DDX60: variants seen among roughly 807,000 people sequenced by gnomAD.
The protein encoded by DDX60 is probable ATP-dependent RNA helicase DDX60.
DDX60 carries 165 observed loss-of-function variants against 212.8 expected under a neutral mutation model. The observed-to-expected ratio is 0.78, with a 90% CI of 0.68 to 0.88. The LOEUF (loss-of-function observed/expected upper bound fraction) is 0.88, where lower values mean the gene tolerates loss of function less well. DDX60 is among the 40% of genes least tolerant of loss of function. The probability of loss-of-function intolerance (pLI) is 0.00; values close to 1 mark genes in which losing one functional copy is unlikely to be tolerated. For synonymous variants in DDX60, 703 were observed against 685.3 expected (o/e 1.03, Z -0.40); for missense variants, 1,905 against 2,003.9 (o/e 0.95, Z 0.94).
intron 6 of DDX60, among the ~76,000 whole-genome samples, chr4:168,295,693 G>C (rs568230807): frequency 1.3e-5 from 2 of 152,172 alleles, no homozygotes; most frequent in South Asian, 4.2e-4. Flanking sequence ...TATTTCGAAG[G>C]TATATCTGCA....
In DDX60 at chr4:168,288,178, T is replaced by C. The variant is rs748076792; in HGVS notation, c.1179A>G (p.Val393=). 1 of 1,474,926 alleles carries C rather than the reference T, an allele frequency of 6.8e-7. No individual in the cohort carries two copies. Among genetic ancestry groups the C allele is most frequent in the Non-Finnish European group, 9.2e-7 (1 of 1,083,470 alleles). The allele number at this position is 1,474,926 out of a possible 1,614,324, so 91.4% of individuals were successfully genotyped here. ...NIAFYYENEN[V]KGLHLNLGDT... ...TATAATATACTGAGATGGTACCTTT[T>C]ACATTTTCATTTTCATAGTAAAAAG... The change falls in exon 9 of 38, where the codon GTA becomes GTG. Residue 393 remains valine, a synonymous_variant. Coordinates refer to ENST00000393743, the MANE Select transcript of DDX60 (RefSeq NM_017631.6).
At position 168,292,655 on chromosome 4, in the gene DDX60, A is replaced by G. The variant is rs181027433; in HGVS notation, c.883-749T>C. ...CCAGGGCGAGGACACCAGGATGGTA[A>G]TATATCTGAAAAACCTGCCCTGTGA... On this transcript the variant is annotated intron_variant, in intron 7 of 37. Transcript: ENST00000393743. 5.4e-4 allele frequency among the ~76,000 whole-genome samples: 82 copies of G among 152,328 alleles called. 1 individual carries two copies. Among genetic ancestry groups the G allele is most frequent in the African/African-American group, 1.9e-3 (77 of 41,588 alleles).
chr4:168,244,934 T>C (rs1733972451), intron 30 of DDX60, among the ~76,000 whole-genome samples: 1 of 152,016 alleles, frequency 6.6e-6, no homozygotes. Flanking sequence ...AAATTATAAC[T>C]TTTCCTGAAA....
rs149914516 is a variant in DDX60 at position 168,257,749 on chromosome 4, G to T, written c.3399-1880C>A. ...CCAAAGAAAAAATATCTCCAAATAT[G>T]TTGACTATATTTGGAATTAGAAATG... On this transcript the variant is annotated intron_variant, in intron 25 of 37. Coordinates refer to ENST00000393743, the MANE Select transcript of DDX60 (RefSeq NM_017631.6). 4.5e-4 allele frequency among the ~76,000 whole-genome samples: 68 copies of T among 152,272 alleles called. 1 individual carries two copies. In the East Asian group the frequency reaches 0.012, roughly 27 times the overall value.
chr4:168,308,871 A>T (rs1235647789), intron 3 of DDX60, among the ~76,000 whole-genome samples: 2 of 151,932 alleles, frequency 1.3e-5, no homozygotes, highest in Non-Finnish European at 2.9e-5. Context: ...TATGAAAAAA[A>T]TTTTAAGTTA....
chr4:168,298,863 T>A (rs1447995793), intron 6 of DDX60, among the ~76,000 whole-genome samples: 1 of 151,802 alleles, frequency 6.6e-6, no homozygotes, highest in Non-Finnish European at 1.5e-5. Flanking sequence ...AAAAAGAAAT[T>A]TTAAAAATCA....
At chr4:168,308,781 T>C (rs1223320171) in intron 3 of DDX60, among the ~76,000 whole-genome samples, 2 of 150,030 alleles carry the variant, frequency 1.3e-5, no homozygotes, top group Non-Finnish European at 3.0e-5. Context: ...ATGTATACTA[T>C]ATATTCAATA....
At chr4:168,264,291 A>G (rs1264901304) in intron 22 of DDX60, among the ~76,000 whole-genome samples, 5 of 152,238 alleles carry the variant, frequency 3.3e-5, no homozygotes, top group African/African-American at 1.2e-4. Flanking sequence ...TTAAAACTAT[A>G]GAACGTAAAA....
chr4:168,281,551 G>A (rs937302346), intron 13 of DDX60, among the ~76,000 whole-genome samples: 4 of 152,194 alleles, frequency 2.6e-5, no homozygotes, highest in Non-Finnish European at 5.9e-5. Context: ...GAGTAGATAA[G>A]AGGAACAACA....
intron 26 of DDX60, among the ~76,000 whole-genome samples, chr4:168,253,543 T>C (rs1734297971): frequency 6.6e-6 from 1 of 152,176 alleles, no homozygotes; most frequent in Non-Finnish European, 1.5e-5. Flanking sequence ...CCACACCCAA[T>C]GTCTGAGTGA....
chr4:168,260,624 A>G (rs906088162), intron 25 of DDX60, among the ~76,000 whole-genome samples: 1 of 152,130 alleles, frequency 6.6e-6, no homozygotes, highest in East Asian at 1.9e-4. Context: ...GATTCTCATA[A>G]GGAGCATGCA....
chr4:168,231,816 C>G (rs2149493873), intron 33 of DDX60, among the ~76,000 whole-genome samples: 2 of 152,084 alleles, frequency 1.3e-5, no homozygotes, highest in East Asian at 3.9e-4. Flanking sequence ...GAAAAGGATG[C>G]CCATTTTCAC....
intron 22 of DDX60, 64 bp from the exon 23 acceptor site, chr4:168,262,851 T>C (rs1045513543): frequency 8.7e-7 from 1 of 1,143,008 alleles, no homozygotes. Flanking sequence ...CTTTGCCTCT[T>C]AGTCACTATC....
chr4:168,289,316 C>T (rs975393598), intron 8 of DDX60, among the ~76,000 whole-genome samples: 2 of 152,150 alleles, frequency 1.3e-5, no homozygotes, highest in Non-Finnish European at 2.9e-5. Flanking sequence ...TTAACCACAT[C>T]CACATTTTGA....
the DDX60 span, among the ~76,000 whole-genome samples, chr4:168,324,497 AG>A: frequency 5.3e-4 from 80 of 152,162 alleles, no homozygotes; most frequent in Non-Finnish European, 9.6e-4. Flanking sequence ...CATTTGTTGG[AG>A]GGGGCCCTGT....
chr4:168,245,109 G>A (rs148587198), intron 30 of DDX60, among the ~76,000 whole-genome samples: 5 of 152,030 alleles, frequency 3.3e-5, no homozygotes, highest in East Asian at 1.9e-4. Context: ...GCATTTCACC[G>A]CAATAAATAA....
At chr4:168,244,062 C>T (rs1733940213) in intron 30 of DDX60, among the ~76,000 whole-genome samples, 1 of 152,104 alleles carries the variant, frequency 6.6e-6, no homozygotes, top group Non-Finnish European at 1.5e-5. Context: ...TATGAGAACA[C>T]ATGGACCCAG....
intron 5 of DDX60, among the ~76,000 whole-genome samples, chr4:168,305,137 T>C (rs1736820819): frequency 6.6e-6 from 1 of 152,242 alleles, no homozygotes; most frequent in African/African-American, 2.4e-5. Flanking sequence ...ACATGCTGTA[T>C]AGGTTTAGCC....
At chr4:168,250,582 A>G (rs575288237) in intron 28 of DDX60, among the ~76,000 whole-genome samples, 237 of 146,410 alleles carry the variant, frequency 1.6e-3, no homozygotes, top group Middle Eastern at 0.014. Context: ...CTAGAGTGTG[A>G]TGGCATGATC....
Sources: allele counts gnomAD v4.1 joint callset (sites outside exome capture counted in the v4.1 genomes callset), GRCh38; gene constraint gnomAD v4.1.1; transcripts MANE v1.5; gene names NCBI Gene and HGNC (gene_info 2026-07-23, HGNC 2026-07-21).